The following NTNG1 variants were observed in gnomAD, a reference collection of about 807,000 sequenced individuals.
NTNG1 encodes the protein netrin-G1.
In NTNG1, 16 loss-of-function variants were observed where a neutral mutation model predicts 54.0. That is an observed-to-expected ratio of 0.30 (90% CI 0.20 to 0.45). The LOEUF (loss-of-function observed/expected upper bound fraction) is 0.45. NTNG1 is among the 20% of genes least tolerant of loss of function. The pLI is 1.00. For missense variants in NTNG1, 530 were observed against 678.7 expected, an observed-to-expected ratio of 0.78 and a Z score of 2.43; for synonymous variants, 255 against 263.1, an observed-to-expected ratio of 0.97 and a Z score of 0.30.
intron 2 of NTNG1, among the ~76,000 whole-genome samples, chr1:107,285,384 A>C (rs1167684275): frequency 6.6e-6 from 1 of 152,140 alleles, no homozygotes; most frequent in East Asian, 1.9e-4. Flanking sequence ...TTTTTATAAA[A>C]GTGAAAGGAA....
intron 3 of NTNG1, among the ~76,000 whole-genome samples, chr1:107,336,131 A>G (rs1484768297): frequency 6.6e-6 from 1 of 151,720 alleles, no homozygotes; most frequent in Non-Finnish European, 1.5e-5. Context: ...CCAAAATAAC[A>G]TTGAAAAAGA....
intron 4 of NTNG1, among the ~76,000 whole-genome samples, chr1:107,405,821 C>T (rs1673379844): frequency 1.3e-5 from 2 of 152,000 alleles, no homozygotes; most frequent in African/African-American, 4.8e-5. Context: ...GCAATTGATA[C>T]TAAAATTATG....
intron 3 of NTNG1, among the ~76,000 whole-genome samples, chr1:107,326,332 G>A (rs1667951611): frequency 6.6e-6 from 1 of 152,112 alleles, no homozygotes. Flanking sequence ...TTGAACTTGT[G>A]AGTTCTAAGC....
chr1:107,248,252 G>T (rs974431138), intron 2 of NTNG1, among the ~76,000 whole-genome samples: 1 of 152,126 alleles, frequency 6.6e-6, no homozygotes, highest in Admixed American at 6.5e-5. Flanking sequence ...CATTCTGTTT[G>T]GGGTCTTGAC....
At chr1:107,209,407 G>A (rs917255359) in intron 2 of NTNG1, among the ~76,000 whole-genome samples, 11 of 152,078 alleles carry the variant, frequency 7.2e-5, no homozygotes, top group African/African-American at 2.2e-4. Context: ...AGATAGTGGC[G>A]ACTTAAGACA....
chr1:107,217,850 T>G (rs1230445060), intron 2 of NTNG1, among the ~76,000 whole-genome samples: 3 of 152,180 alleles, frequency 2.0e-5, no homozygotes, highest in Non-Finnish European at 4.4e-5. Context: ...TTGTTGAGAT[T>G]TGTTTTGTGG....
rs143667906 is a variant in NTNG1, at chr1:107,206,910, G to A, written c.246+58071G>A. The stretch of plus-strand genomic sequence containing the variant: ...ACCTCGATGTATATTCCGCCATCTC[G>A]CTGGTGCAGTTGGATGGGAAGAAGC... On this transcript the variant is annotated intron_variant, in intron 2 of 7. Coordinates refer to ENST00000370068, the MANE Select transcript of NTNG1 (RefSeq NM_001113226.3). Among the ~76,000 whole-genome samples, 530 of 152,206 alleles carry A rather than the reference G, an allele frequency of 3.5e-3. 6 individuals carry two copies. Among genetic ancestry groups the A allele is most frequent in the African/African-American group, 0.011 (473 of 41,526 alleles).
rs115970834 is a variant in NTNG1 at position 107,380,722 on chromosome 1, G to A, written c.888-14432G>A. Reference sequence around the variant, plus strand: ...ATTAAGAGCTTACTGCACACCAGGCGCCATGGAAGGCCTTGCTCAGGACCT... The same window carrying A: ...ATTAAGAGCTTACTGCACACCAGGCACCATGGAAGGCCTTGCTCAGGACCT... On this transcript the variant is annotated intron_variant, in intron 3 of 7. Transcript: ENST00000370068. 8.0e-3 allele frequency among the ~76,000 whole-genome samples: 1,215 copies of A among 152,162 alleles called. 18 individuals carry two copies. Among genetic ancestry groups the A allele is most frequent in the African/African-American group, 0.028 (1,164 of 41,492 alleles).
chr1:107,170,951 T>A (rs79082296), intron 2 of NTNG1, among the ~76,000 whole-genome samples: 2 of 152,112 alleles, frequency 1.3e-5, no homozygotes, highest in Admixed American at 6.5e-5. Context: ...TCAATACTTA[T>A]AGCATCGTAC....
At chr1:107,452,238 C>T (rs1676673285) in intron 7 of NTNG1, among the ~76,000 whole-genome samples, 1 of 152,122 alleles carries the variant, frequency 6.6e-6, no homozygotes, top group South Asian at 2.1e-4. Flanking sequence ...TGATGAAGTG[C>T]TGGGAAGGAT....
At chr1:107,386,147 G>GTATA (rs1479807179) in intron 3 of NTNG1, among the ~76,000 whole-genome samples, 4,382 of 94,290 alleles carry the variant, frequency 0.046, 137 homozygotes, top group Non-Finnish European at 0.074. Context: ...ATATATATGT[G>GTATA]TGTATATATA....
At chr1:107,158,253 C>T (rs1344057000) in intron 2 of NTNG1, among the ~76,000 whole-genome samples, 1 of 151,956 alleles carries the variant, frequency 6.6e-6, no homozygotes, top group South Asian at 2.1e-4. Context: ...TCTTTTCTTA[C>T]AAAAGGGGAA....
chr1:107,258,269 C>A (rs200263437), intron 2 of NTNG1, among the ~76,000 whole-genome samples: 2 of 130,236 alleles, frequency 1.5e-5, no homozygotes, highest in South Asian at 2.5e-4. Context: ...TTTTTTTTTT[C>A]ATTTTATTAG....
At chr1:107,438,709 G>A (rs887901682) in intron 7 of NTNG1, among the ~76,000 whole-genome samples, 2 of 152,070 alleles carry the variant, frequency 1.3e-5, no homozygotes, top group Non-Finnish European at 2.9e-5. Flanking sequence ...ACTTGGGAGA[G>A]GAAAATAAGT....
In NTNG1 at chr1:107,149,389, GAGA is replaced by G. The variant is rs1332954193; in HGVS notation, c.246+553_246+555del. On this transcript the variant is annotated intron_variant, in intron 2 of 7. Coordinates refer to ENST00000370068, the MANE Select transcript of NTNG1 (RefSeq NM_001113226.3). Reference sequence around the variant, plus strand: ...GAGGAGAGAGGAACTAAAGCCTTGTGAGAAGTTTTTCCAGAAAAATCTTATTTG... The same window carrying G: ...GAGGAGAGAGGAACTAAAGCCTTGTGAGTTTTTCCAGAAAAATCTTATTTG... 2.0e-5 allele frequency among the ~76,000 whole-genome samples: 3 copies of G among 152,118 alleles called. No homozygotes were observed. In the East Asian group the frequency reaches 5.8e-4, roughly 29 times the overall value.
chr1:107,261,713 G>A (rs1474264375), intron 2 of NTNG1, among the ~76,000 whole-genome samples: 2 of 152,030 alleles, frequency 1.3e-5, no homozygotes, highest in African/African-American at 4.8e-5. Context: ...CGTGGTGGCG[G>A]GTGCCTGTAG....
intron 2 of NTNG1, among the ~76,000 whole-genome samples, chr1:107,198,798 G>A (rs1395072601): frequency 6.6e-6 from 1 of 151,782 alleles, no homozygotes; most frequent in Non-Finnish European, 1.5e-5. Context: ...AAAATTGTTT[G>A]ACTTGATATC....
intron 3 of NTNG1, among the ~76,000 whole-genome samples, chr1:107,361,265 G>A (rs1049961380): frequency 7.2e-6 from 1 of 138,074 alleles, no homozygotes; most frequent in Non-Finnish European, 1.5e-5. Flanking sequence ...TATATGTTAT[G>A]TAAGAACTAT....
At position 107,316,789 on chromosome 1, in the gene NTNG1, A is replaced by C. The variant is rs150815732; in HGVS notation, c.247-7493A>C. 4.3e-4 allele frequency among the ~76,000 whole-genome samples: 66 copies of C among 152,274 alleles called. No individual in the cohort carries two copies. The East Asian group carries it at 0.012, about 27-fold the overall frequency. On this transcript the variant is annotated intron_variant, in intron 2 of 7. Transcript: ENST00000370068. Reference sequence around the variant, plus strand: ...TTGCCTGTATATATCTTATCTCCACACTAAACTGCAAATACCTTCTTGTAT... The same window carrying C: ...TTGCCTGTATATATCTTATCTCCACCCTAAACTGCAAATACCTTCTTGTAT...
Sources: gnomAD v4.1 joint callset for allele counts (sites outside exome capture counted in the v4.1 genomes callset) on GRCh38, gnomAD v4.1.1 for gene constraint, MANE v1.5 for transcripts, NCBI Gene and HGNC (gene_info 2026-07-23, HGNC 2026-07-21) for gene names.